The following UBR3 variants were observed in gnomAD, a reference collection of about 807,000 sequenced individuals.
The protein encoded by UBR3 is ubiquitin protein ligase E3 component n-recognin 3.
Under a neutral mutation model 243.2 loss-of-function variants are expected in UBR3, and 85 were observed. The observed-to-expected ratio is 0.35, with a 90% CI of 0.29 to 0.42. The LOEUF is 0.42. UBR3 is among the 10% of genes least tolerant of loss of function. The probability of loss-of-function intolerance (pLI) is 1.00; values close to 1 mark genes in which losing one functional copy is unlikely to be tolerated. For missense variants in UBR3, 1,686 were observed against 2,300.8 expected, an observed-to-expected ratio of 0.73 and a Z score of 5.47; for synonymous variants, 748 against 799.8, an observed-to-expected ratio of 0.94 and a Z score of 1.09.
chr2:170,014,565 T>C (rs2090181148), intron 29 of UBR3: 2 of 152,154 alleles, frequency 1.3e-5, no homozygotes, highest in Admixed American at 6.5e-5. Flanking sequence ...AATCCTTAGA[T>C]TCTGCATTAG....
At chr2:169,834,556 TA>T (rs1489292735) in intron 1 of UBR3, among the ~76,000 whole-genome samples, 6 of 152,240 alleles carry the variant, frequency 3.9e-5, no homozygotes, top group Non-Finnish European at 8.8e-5. Flanking sequence ...ATTCTGGCAG[TA>T]TATATGGTGG....
chr2:169,854,686 G>A lies in UBR3; in HGVS notation c.546-17550G>A, dbSNP rs182207592. 2.8e-4 allele frequency among the ~76,000 whole-genome samples: 43 copies of A among 152,128 alleles called. No individual in the cohort carries two copies. In the East Asian group the frequency reaches 7.9e-3, roughly 28 times the overall value. On this transcript the variant is annotated intron_variant, in intron 1 of 38. Transcript: ENST00000272793. ...ATTCATGTACCACTATCCACCTTAT[G>A]AAATACAACATAAAGTGTTGATAAG...
chr2:170,064,357 C>A (rs777681923), intron 35 of UBR3, among the ~76,000 whole-genome samples: 24 of 151,672 alleles, frequency 1.6e-4, no homozygotes, highest in Non-Finnish European at 2.7e-4. Flanking sequence ...TTTAAAAATT[C>A]TTTTCCATCA....
rs185808132 is a variant in UBR3 at position 170,073,385 on chromosome 2, C to A, written c.5020-43C>A. Reference sequence around the variant, plus strand: ...GACCTTTTATGTAATAGGAAATGTTCTTGATGAAATATTTTCAGAATTTCC... The same window carrying A: ...GACCTTTTATGTAATAGGAAATGTTATTGATGAAATATTTTCAGAATTTCC... On this transcript the variant is annotated intron_variant, in intron 35 of 38. Transcript: ENST00000272793. The A allele has an allele frequency of 9.0e-4, 1,444 of 1,604,142 alleles. 9 individuals carry two copies. Among genetic ancestry groups the A allele is most frequent in the South Asian group, 6.5e-3 (588 of 90,416 alleles).
rs563274800 is a variant in UBR3 at position 169,935,753 on chromosome 2, T to A, written c.2663+2745T>A. On this transcript the variant is annotated intron_variant, in intron 19 of 38. Transcript: ENST00000272793. ...TCACTTAAATAATTTTTTTCTGTCA[T>A]GTAGCATTTCATTTGCATTATTCTA... Among the ~76,000 whole-genome samples, 3 of 152,308 alleles carry A rather than the reference T, an allele frequency of 2.0e-5. No homozygotes were observed. In the East Asian group the frequency reaches 5.8e-4, roughly 29 times the overall value.
At chr2:169,949,506 A>G in intron 22 of UBR3, 99 bp from the exon 23 acceptor site, 1 of 1,099,628 alleles carries the variant, frequency 9.1e-7, no homozygotes, top group African/African-American at 1.6e-5. Flanking sequence ...TTTGTATGAA[A>G]CTGAGCATTC....
At chr2:170,026,164 G>A (rs1021340971) in intron 30 of UBR3, among the ~76,000 whole-genome samples, 1 of 151,854 alleles carries the variant, frequency 6.6e-6, no homozygotes, top group South Asian at 2.1e-4. Context: ...TAACTGAGAA[G>A]GAACCAGAGG....
intron 36 of UBR3, among the ~76,000 whole-genome samples, chr2:170,079,325 A>C (rs2091867521): frequency 6.6e-6 from 1 of 152,202 alleles, no homozygotes; most frequent in Non-Finnish European, 1.5e-5. Context: ...AATTGTACAT[A>C]CTCTAGGAAA....
At position 170,043,769 on chromosome 2, in the gene UBR3, T is replaced by C. The variant is rs114517075; in HGVS notation, c.4660+2784T>C. ...CAAATAGCTAGGTATTTAGCAGTCA[T>C]TAAATTTACCTGTAGTTAGAATTGC... On this transcript the variant is annotated intron_variant, in intron 32 of 38. Transcript: ENST00000272793. Among the ~76,000 whole-genome samples, 1,187 of 152,326 alleles carry C rather than the reference T, an allele frequency of 7.8e-3. 13 individuals carry two copies. The highest frequency in any genetic ancestry group is 0.026 in the African/African-American group (1,073 of 41,566).
chr2:170,017,661 A>G (rs1347712513), intron 30 of UBR3, among the ~76,000 whole-genome samples: 2 of 152,088 alleles, frequency 1.3e-5, no homozygotes, highest in African/African-American at 2.4e-5. Context: ...CTGAGAAATA[A>G]AATTGAAATG....
chr2:170,045,130 G>GTCTC, intron 32 of UBR3, among the ~76,000 whole-genome samples: 1 of 152,146 alleles, frequency 6.6e-6, no homozygotes, highest in African/African-American at 2.4e-5. Context: ...TGGCTGGGAG[G>GTCTC]TCTCACAATC....
chr2:169,901,182 C>T (rs2084806946), intron 8 of UBR3, among the ~76,000 whole-genome samples: 2 of 152,070 alleles, frequency 1.3e-5, no homozygotes, highest in Admixed American at 6.6e-5. Flanking sequence ...CCATATTTTT[C>T]TGAAATCATA....
intron 24 of UBR3, among the ~76,000 whole-genome samples, chr2:169,974,333 C>G (rs2105378692): frequency 1.3e-5 from 2 of 152,202 alleles, no homozygotes; most frequent in Middle Eastern, 3.4e-3. Context: ...ATTACTGATT[C>G]AATCTCATTA....
chr2:170,027,118 G>A (rs528061729), intron 30 of UBR3, among the ~76,000 whole-genome samples: 1 of 151,768 alleles, frequency 6.6e-6, no homozygotes, highest in South Asian at 2.1e-4. Flanking sequence ...CTAAGAGGTG[G>A]CAAATCTTGA....
chr2:170,066,966 A>AAATAATAATAATAATAAT (rs6147024), intron 35 of UBR3, among the ~76,000 whole-genome samples: 6,693 of 102,480 alleles, frequency 0.065, 214 homozygotes, highest in Non-Finnish European at 0.12. Flanking sequence ...TCCGTCTCTA[A>AAATAATAATAATAATAAT]AATAATAATA....
intron 19 of UBR3, 111 bp downstream of exon 19, chr2:169,933,119 T>C: frequency 1.4e-6 from 1 of 690,614 alleles, no homozygotes; most frequent in Non-Finnish European, 2.3e-6. Flanking sequence ...TTTCATTCTT[T>C]AAAGGTGAAA....
At chr2:169,850,989 T>G (rs1559018776) in intron 1 of UBR3, among the ~76,000 whole-genome samples, 1 of 152,254 alleles carries the variant, frequency 6.6e-6, no homozygotes, top group Non-Finnish European at 1.5e-5. Context: ...TTTTCTACTT[T>G]TAACTTAAAT....
chr2:169,833,789 T>C (rs1016013306), intron 1 of UBR3, among the ~76,000 whole-genome samples: 14 of 152,100 alleles, frequency 9.2e-5, no homozygotes, highest in Admixed American at 3.9e-4. Context: ...TCTAGATTTT[T>C]TTTTTTTTTA....
Position 170,008,897 on chromosome 2 carries a change from G to T in UBR3, c.4324G>T (p.Gly1442Cys), listed in dbSNP as rs2090001812. Residue 1442 changes from glycine to cysteine, a missense_variant, in exon 29 of 39, where the codon GGC becomes TGC. Transcript: ENST00000272793. ...KKYRDYSKTP[G>C]SPDNDFLFMY... ...ATATAGAGACTATAGCAAGACCCCG[G>T]GCTCACCAGACAATGATTTTCTCTT... The T allele has an allele frequency of 3.1e-6, 5 of 1,599,106 alleles. No homozygotes were observed. Among genetic ancestry groups the T allele is most frequent in the Non-Finnish European group, 4.3e-6 (5 of 1,173,732 alleles).
Sources: allele counts gnomAD v4.1 joint callset (sites outside exome capture counted in the v4.1 genomes callset), GRCh38; gene constraint gnomAD v4.1.1; transcripts MANE v1.5; gene names NCBI Gene and HGNC (gene_info 2026-07-23, HGNC 2026-07-21).